The following DAB1 variants were observed in gnomAD, a reference collection of about 807,000 sequenced individuals.
DAB1 encodes the protein DAB adaptor protein 1, also known as disabled homolog 1.
In DAB1, 15 loss-of-function variants were observed where a neutral mutation model predicts 64.6. The ratio of observed to expected loss-of-function variants is 0.23; its 90% confidence interval spans 0.16 to 0.36. The LOEUF (loss-of-function observed/expected upper bound fraction) is 0.36, where lower values mean the gene tolerates loss of function less well. Ranked by LOEUF, DAB1 falls within the 10% of genes least tolerant of loss-of-function variation. The pLI, the probability that DAB1 is intolerant of heterozygous loss-of-function variation, is 1.00. For synonymous variants in DAB1, 235 were observed against 251.9 expected (o/e 0.93, Z 0.64); for missense variants, 596 against 706.7 (o/e 0.84, Z 1.78).
chr1:57,976,808 C>T (rs1448719469), intron 5 of DAB1, among the ~76,000 whole-genome samples: 1 of 152,130 alleles, frequency 6.6e-6, no homozygotes, highest in African/African-American at 2.4e-5. Context: ...TCCCTAATGC[C>T]TCTCTTTGCC....
At chr1:58,269,170 C>A (rs1273415843) in intron 4 of DAB1, among the ~76,000 whole-genome samples, 3 of 135,712 alleles carry the variant, frequency 2.2e-5, no homozygotes, top group African/African-American at 7.9e-5. Context: ...CCCCCTCCCC[C>A]GACCCCACCA....
chr1:57,058,047 T>A (rs1241755786), intron 9 of DAB1, among the ~76,000 whole-genome samples: 1 of 152,014 alleles, frequency 6.6e-6, no homozygotes, highest in Non-Finnish European at 1.5e-5. Flanking sequence ...CTAGGTAGGA[T>A]GAAAAAACAA....
intron 6 of DAB1, among the ~76,000 whole-genome samples, chr1:57,814,444 A>C (rs1651762092): frequency 6.6e-6 from 1 of 152,172 alleles, no homozygotes; most frequent in African/African-American, 2.4e-5. Flanking sequence ...CTAGAAAAAT[A>C]TATATTCATT....
chr1:58,335,087 A>G (rs1175010585), intron 4 of DAB1, among the ~76,000 whole-genome samples: 21 of 152,222 alleles, frequency 1.4e-4, no homozygotes, highest in Admixed American at 1.4e-3. Flanking sequence ...GTAAGAGAAT[A>G]TCAAATGAAA....
At chr1:57,118,715 T>C (rs1656368164) in intron 4 of DAB1, among the ~76,000 whole-genome samples, 1 of 152,204 alleles carries the variant, frequency 6.6e-6, no homozygotes, top group African/African-American at 2.4e-5. Context: ...TAATGATCAA[T>C]GTTAGCTTAT....
intron 4 of DAB1, among the ~76,000 whole-genome samples, chr1:57,117,223 T>G (rs1208319374): frequency 1.3e-5 from 2 of 152,188 alleles, no homozygotes; most frequent in African/African-American, 4.8e-5. Context: ...AAAAAGCGCT[T>G]TTCAATTGGC....
chr1:57,077,360 A>C (rs1368286896), intron 4 of DAB1, among the ~76,000 whole-genome samples: 5 of 152,180 alleles, frequency 3.3e-5, no homozygotes, highest in Non-Finnish European at 7.3e-5. Flanking sequence ...CCTTCTGAAC[A>C]GTAAGTGTTA....
intron 6 of DAB1, among the ~76,000 whole-genome samples, chr1:57,666,034 T>C (rs1321167255): frequency 6.6e-6 from 1 of 152,130 alleles, no homozygotes; most frequent in African/African-American, 2.4e-5. Flanking sequence ...GCATTTAACA[T>C]AGAGATAGCT....
intron 4 of DAB1, among the ~76,000 whole-genome samples, chr1:58,181,557 T>C (rs539599932): frequency 6.6e-6 from 1 of 152,244 alleles, no homozygotes; most frequent in African/African-American, 2.4e-5. Context: ...TTTTCTTCTG[T>C]ACCATTTTAA....
intron 5 of DAB1, among the ~76,000 whole-genome samples, chr1:57,961,224 C>T (rs7553094): frequency 0.86 from 130,435 of 152,092 alleles, 56,528 homozygotes; most frequent in South Asian, 0.94. Context: ...TAATAATATA[C>T]GCATGTGTAT....
intron 3 of DAB1, among the ~76,000 whole-genome samples, chr1:58,347,832 G>C (rs1172074630): frequency 6.6e-6 from 1 of 152,166 alleles, no homozygotes; most frequent in African/African-American, 2.4e-5. Context: ...TTGCCCCCTT[G>C]GCTTGAGCAG....
chr1:58,044,028 A>T (rs1171899161), intron 5 of DAB1, among the ~76,000 whole-genome samples: 1 of 152,176 alleles, frequency 6.6e-6, no homozygotes, highest in Non-Finnish European at 1.5e-5. Context: ...GCTCACCACA[A>T]CTTAACTACT....
intron 5 of DAB1, among the ~76,000 whole-genome samples, chr1:58,041,481 C>T (rs1647135495): frequency 6.6e-6 from 1 of 152,160 alleles, no homozygotes; most frequent in African/African-American, 2.4e-5. Flanking sequence ...GGTCTATATA[C>T]TCTCATTTAA....
intron 2 of DAB1, among the ~76,000 whole-genome samples, chr1:57,289,606 G>A (rs1159279938): frequency 1.3e-5 from 2 of 152,140 alleles, no homozygotes; most frequent in Non-Finnish European, 2.9e-5. Context: ...CTGTCAAAGA[G>A]CTGCATATGT....
chr1:58,064,791 G>A (rs962497023), intron 5 of DAB1, among the ~76,000 whole-genome samples: 2 of 151,908 alleles, frequency 1.3e-5, no homozygotes, highest in African/African-American at 4.8e-5. Flanking sequence ...GCGTGATCTC[G>A]GCTCACTGCA....
intron 14 of DAB1, among the ~76,000 whole-genome samples, chr1:57,006,895 T>C (rs1209835354): frequency 2.0e-5 from 3 of 152,188 alleles, no homozygotes; most frequent in African/African-American, 7.2e-5. Flanking sequence ...TCTGTATTTA[T>C]CCATATGAAA....
At chr1:57,736,336 G>T (rs568560033) in intron 6 of DAB1, among the ~76,000 whole-genome samples, 15 of 152,292 alleles carry the variant, frequency 9.8e-5, no homozygotes, top group African/African-American at 3.6e-4. Context: ...CTCCCATTAT[G>T]GTTGAAGCCA....
chr1:58,462,089 A>T (rs1645248012), intron 3 of DAB1, among the ~76,000 whole-genome samples: 1 of 147,848 alleles, frequency 6.8e-6, no homozygotes, highest in South Asian at 2.2e-4. Flanking sequence ...CAAGATTGAG[A>T]TCCACGTCGA....
chr1:58,282,486 G>A (rs1485756406), intron 4 of DAB1, among the ~76,000 whole-genome samples: 1 of 151,952 alleles, frequency 6.6e-6, no homozygotes, highest in African/African-American at 2.4e-5. Flanking sequence ...TAAGTTTTCT[G>A]CTTATTTATA....
Sources: gnomAD v4.1 joint callset for allele counts (sites outside exome capture counted in the v4.1 genomes callset) on GRCh38, gnomAD v4.1.1 for gene constraint, MANE v1.5 for transcripts, NCBI Gene and HGNC (gene_info 2026-07-23, HGNC 2026-07-21) for gene names.